DMGDH: variants seen among roughly 807,000 people sequenced by gnomAD.
The protein encoded by DMGDH is dimethylglycine dehydrogenase, mitochondrial.
DMGDH carries 76 observed loss-of-function variants against 95.2 expected under a neutral mutation model. The ratio of observed to expected loss-of-function variants is 0.80; its 90% CI spans 0.66 to 0.97. The LOEUF (loss-of-function observed/expected upper bound fraction) is 0.97, where lower values mean the gene tolerates loss of function less well. Among genes scored for constraint, DMGDH ranks in the 50% least tolerant of loss-of-function variants. The pLI, the probability that DMGDH is intolerant of heterozygous loss-of-function variation, is 0.00. For synonymous variants in DMGDH, 345 were observed against 377.6 expected (o/e 0.91, Z 1.00); for missense variants, 987 against 1,055.0 (o/e 0.94, Z 0.89).
intron 1 of DMGDH, among the ~76,000 whole-genome samples, chr5:79,069,036 T>TG (rs1207543245): frequency 6.6e-6 from 1 of 152,230 alleles, no homozygotes; most frequent in Non-Finnish European, 1.5e-5. Context: ...AATTTTCACA[T>TG]GCACGTTATT....
intron 9 of DMGDH, among the ~76,000 whole-genome samples, chr5:79,031,407 G>A (rs775929346): frequency 2.6e-5 from 4 of 152,178 alleles, no homozygotes; most frequent in Non-Finnish European, 4.4e-5. Flanking sequence ...GAGGCGGGGT[G>A]GAGCTGTCTG....
rs1754158249 is a variant in DMGDH, at chr5:79,031,005, C to T, written c.1518-7G>A. On this transcript the variant is annotated splice_region_variant and splice_polypyrimidine_tract_variant and intron_variant, in intron 9 of 15. Transcript: ENST00000255189. Reference sequence around the variant, plus strand: ...TGTGCGGCGAAAACTTGGCCTGAAACACAACATTTAGTGTCATAAAACAAC... The same window carrying T: ...TGTGCGGCGAAAACTTGGCCTGAAATACAACATTTAGTGTCATAAAACAAC... 1.2e-6 allele frequency: 2 copies of T among 1,614,016 alleles called. No individual in the cohort carries two copies. Among genetic ancestry groups the T allele is most frequent in the South Asian group, 1.1e-5 (1 of 91,086 alleles).
intron 5 of DMGDH, among the ~76,000 whole-genome samples, chr5:79,045,200 G>A (rs1303615588): frequency 6.6e-6 from 1 of 152,156 alleles, no homozygotes; most frequent in Admixed American, 6.5e-5. Context: ...ATCCTTTATT[G>A]TAAAGGCACA....
At chr5:79,035,741 C>T (rs369277809) in intron 7 of DMGDH, among the ~76,000 whole-genome samples, 1 of 129,090 alleles carries the variant, frequency 7.7e-6, no homozygotes, top group Non-Finnish European at 1.7e-5. Context: ...GAGTGGTGGG[C>T]GGGGGGGGAA....
rs561140100 is a variant in DMGDH, at chr5:79,010,088, G to A, written c.2251-4681C>T. ...TTATTAATTTTAAATAGCAATATGA[G>A]TCATTAAAACATCCACCTGTAATAC... is the stretch of plus-strand genomic sequence containing the variant. On this transcript the variant is annotated intron_variant, in intron 14 of 15. Coordinates refer to ENST00000255189, the MANE Select transcript of DMGDH (RefSeq NM_013391.3). 3.1e-3 allele frequency among the ~76,000 whole-genome samples: 467 copies of A among 152,116 alleles called. 4 individuals carry two copies. The highest frequency in any genetic ancestry group is 0.017 in the Middle Eastern group (5 of 294).
intron 5 of DMGDH, among the ~76,000 whole-genome samples, chr5:79,049,495 G>A (rs960307875): frequency 6.6e-6 from 1 of 152,198 alleles, no homozygotes; most frequent in Non-Finnish European, 1.5e-5. Context: ...TCTGCCACAG[G>A]TGCTGGATGT....
intron 5 of DMGDH, among the ~76,000 whole-genome samples, chr5:79,045,462 A>G (rs958117075): frequency 4.6e-5 from 7 of 152,218 alleles, no homozygotes; most frequent in Non-Finnish European, 1.5e-5. Flanking sequence ...GCTAAAGGCT[A>G]GTAGGGTAAG....
intron 15 of DMGDH, among the ~76,000 whole-genome samples, chr5:79,003,256 G>A (rs1245238176): frequency 6.6e-6 from 1 of 152,210 alleles, no homozygotes; most frequent in African/African-American, 2.4e-5. Flanking sequence ...GTAGTGACAA[G>A]AAGACGTTAT....
At chr5:79,061,991 C>G (rs1755222663) in intron 2 of DMGDH, among the ~76,000 whole-genome samples, 1 of 152,108 alleles carries the variant, frequency 6.6e-6, no homozygotes, top group Admixed American at 6.5e-5. Context: ...ATAAGTAATT[C>G]AAACATTAAA....
chr5:79,027,840 C>CTTTT (rs771037679), intron 12 of DMGDH, among the ~76,000 whole-genome samples: 1 of 109,450 alleles, frequency 9.1e-6, no homozygotes, highest in African/African-American at 3.9e-5. Context: ...CCCCACTTTT[C>CTTTT]TTTTTTTTTT....
intron 7 of DMGDH, among the ~76,000 whole-genome samples, chr5:79,037,066 G>A (rs1453894718): frequency 6.6e-6 from 1 of 152,106 alleles, no homozygotes; most frequent in African/African-American, 2.4e-5. Context: ...CAGCCAGAAG[G>A]TGGCCATCTG....
At chr5:79,007,346 T>C (rs977009376) in intron 14 of DMGDH, among the ~76,000 whole-genome samples, 3 of 152,124 alleles carry the variant, frequency 2.0e-5, no homozygotes, top group Non-Finnish European at 1.5e-5. Flanking sequence ...TTGAAACCCA[T>C]GTATATGGAG....
At chr5:79,046,109 CAG>C (rs1452703045) in intron 5 of DMGDH, among the ~76,000 whole-genome samples, 30 of 142,154 alleles carry the variant, frequency 2.1e-4, no homozygotes, top group Middle Eastern at 7.4e-3. Flanking sequence ...TTTTTTGAGA[CAG>C]AGTCTTGCTC....
chr5:79,036,517 T>C (rs1043558680), intron 7 of DMGDH, among the ~76,000 whole-genome samples: 1 of 152,228 alleles, frequency 6.6e-6, no homozygotes, highest in Non-Finnish European at 1.5e-5. Flanking sequence ...TAAGACTTTT[T>C]TGGGCATTGT....
chr5:79,050,260 AAAAAAAAAAAAAAATATATATATAT>A (rs1754806334), intron 5 of DMGDH, among the ~76,000 whole-genome samples: 2 of 58,996 alleles, frequency 3.4e-5, no homozygotes, highest in South Asian at 1.2e-3. Flanking sequence ...AAAAAAAAAA[AAAAAAAAAAAAAAATATATATATAT>A]ATATATATAT....
At chr5:79,031,178 G>A (rs566638276) in intron 9 of DMGDH, among the ~76,000 whole-genome samples, 180 bp from the exon 10 acceptor site, 42 of 152,260 alleles carry the variant, frequency 2.8e-4, no homozygotes, top group African/African-American at 9.6e-4. Flanking sequence ...ATGTATGTTG[G>A]AATCTGACCC....
chr5:79,021,681 C>A, intron 14 of DMGDH: 2 of 1,304,570 alleles, frequency 1.5e-6, no homozygotes, highest in Non-Finnish European at 2.0e-6. Context: ...CTATTCTGAT[C>A]CTATCATAAA....
chr5:79,030,396 A>G (rs1561215829), intron 10 of DMGDH: 1 of 259,604 alleles, frequency 3.9e-6, no homozygotes, highest in East Asian at 1.0e-4. Flanking sequence ...TCATACCTGT[A>G]ATCCCAGCAC....
chr5:79,059,680 T>A (rs973406317), intron 2 of DMGDH, among the ~76,000 whole-genome samples: 2 of 152,232 alleles, frequency 1.3e-5, no homozygotes, highest in African/African-American at 4.8e-5. Context: ...TTTCCAAACA[T>A]CCCTTTTCAA....
Sources: gnomAD v4.1 joint callset for allele counts (sites outside exome capture counted in the v4.1 genomes callset) on GRCh38, gnomAD v4.1.1 for gene constraint, MANE v1.5 for transcripts, NCBI Gene and HGNC (gene_info 2026-07-23, HGNC 2026-07-21) for gene names.